Variants in KCNIP4 observed in about 807,000 individuals in gnomAD.
KCNIP4 encodes the protein potassium voltage-gated channel interacting protein 4.
A neutral mutation model predicts 34.0 loss-of-function variants in KCNIP4; 12 were observed. That is an observed-to-expected ratio of 0.35 (90% CI 0.23 to 0.57). KCNIP4 has a LOEUF of 0.57. Ranked by LOEUF, KCNIP4 falls within the 20% of genes least tolerant of loss-of-function variation. The probability of loss-of-function intolerance (pLI) is 0.83; values close to 1 mark genes in which losing one functional copy is unlikely to be tolerated. For synonymous variants in KCNIP4, 124 were observed against 102.2 expected, an observed-to-expected ratio of 1.21 and a Z score of -1.29; for missense variants, 238 against 311.7, an observed-to-expected ratio of 0.76 and a Z score of 1.78.
intron 1 of KCNIP4, among the ~76,000 whole-genome samples, chr4:20,898,332 T>C (rs1282779085): frequency 6.6e-6 from 1 of 152,218 alleles, no homozygotes. Flanking sequence ...CATAGTCTAT[T>C]AGTTCTGTTT....
intron 1 of KCNIP4, among the ~76,000 whole-genome samples, chr4:21,742,553 T>C (rs1716486377): frequency 6.6e-6 from 1 of 152,204 alleles, no homozygotes; most frequent in Admixed American, 6.5e-5. Context: ...GCATTTCAAG[T>C]TCCAATTACT....
intron 1 of KCNIP4, among the ~76,000 whole-genome samples, chr4:21,898,925 T>A (rs1294287428): frequency 6.6e-6 from 1 of 152,156 alleles, no homozygotes; most frequent in African/African-American, 2.4e-5. Flanking sequence ...GTGCCCTGAA[T>A]GGTGCTGGTC....
intron 1 of KCNIP4, among the ~76,000 whole-genome samples, chr4:21,351,270 C>T (rs1717973575): frequency 6.6e-6 from 1 of 152,072 alleles, no homozygotes; most frequent in African/African-American, 2.4e-5. Flanking sequence ...GTAATAATCC[C>T]CACATGTCGT....
At chr4:20,887,484 G>T (rs981391702) in intron 1 of KCNIP4, among the ~76,000 whole-genome samples, 5 of 151,796 alleles carry the variant, frequency 3.3e-5, no homozygotes, top group Non-Finnish European at 5.9e-5. Context: ...ATGAAAAAAG[G>T]CTTTAAAATG....
chr4:21,270,555 G>A (rs1037592052), intron 1 of KCNIP4, among the ~76,000 whole-genome samples: 5 of 152,158 alleles, frequency 3.3e-5, no homozygotes, highest in Non-Finnish European at 7.3e-5. Context: ...TTATGCACAT[G>A]ATAATTATGT....
At chr4:21,246,032 A>G (rs1760175342) in intron 1 of KCNIP4, among the ~76,000 whole-genome samples, 1 of 151,980 alleles carries the variant, frequency 6.6e-6, no homozygotes. Flanking sequence ...AAAAAGGAGG[A>G]TTTTTTTTAA....
intron 1 of KCNIP4, among the ~76,000 whole-genome samples, chr4:21,566,232 G>T (rs1225952907): frequency 1.3e-5 from 2 of 152,128 alleles, no homozygotes; most frequent in Non-Finnish European, 2.9e-5. Flanking sequence ...GAGACAGGTG[G>T]CAAGAGGCCA....
At chr4:20,985,198 G>A (rs941794159) in intron 1 of KCNIP4, among the ~76,000 whole-genome samples, 18 of 152,264 alleles carry the variant, frequency 1.2e-4, no homozygotes, top group Admixed American at 4.6e-4. Context: ...TTCTTGCTAT[G>A]TGATCTTGTG....
chr4:21,599,880 G>A (rs1327830014), intron 1 of KCNIP4, among the ~76,000 whole-genome samples: 6 of 152,020 alleles, frequency 3.9e-5, no homozygotes, highest in Middle Eastern at 3.2e-3. Context: ...GGAAGTTGTA[G>A]GGAGTACTAA....
At chr4:21,627,517 T>C (rs1016390677) in intron 1 of KCNIP4, among the ~76,000 whole-genome samples, 1 of 152,186 alleles carries the variant, frequency 6.6e-6, no homozygotes, top group Non-Finnish European at 1.5e-5. Flanking sequence ...TATTTTCTGA[T>C]ATTTGCCTGA....
intron 1 of KCNIP4, among the ~76,000 whole-genome samples, chr4:21,702,671 A>T (rs1712953779): frequency 6.6e-6 from 1 of 152,158 alleles, no homozygotes; most frequent in Non-Finnish European, 1.5e-5. Flanking sequence ...TCTATCAAAC[A>T]TGAAAAGAAG....
At chr4:21,562,268 A>G (rs1739536730) in intron 1 of KCNIP4, among the ~76,000 whole-genome samples, 1 of 151,996 alleles carries the variant, frequency 6.6e-6, no homozygotes, top group Admixed American at 6.6e-5. Context: ...CTGCCAAAAT[A>G]CTTATTAAAA....
At position 21,622,186 on chromosome 4, in the gene KCNIP4, T is replaced by G. The variant is rs562896723; in HGVS notation, c.61+326385A>C. On this transcript the variant is annotated intron_variant, in intron 1 of 8. Coordinates refer to ENST00000382152, the MANE Select transcript of KCNIP4 (RefSeq NM_025221.6). Reference sequence around the variant, plus strand: ...CCAGGTAGCAACTACCAGGTAATTATTCACAGATGTACAAATGATGTATAA... The same window carrying G: ...CCAGGTAGCAACTACCAGGTAATTAGTCACAGATGTACAAATGATGTATAA... 3.9e-5 allele frequency among the ~76,000 whole-genome samples: 6 copies of G among 152,330 alleles called. No homozygotes were observed. The South Asian group carries it at 1.2e-3, about 32-fold the overall frequency.
chr4:20,777,711 G>T (rs1756492923), intron 3 of KCNIP4, among the ~76,000 whole-genome samples: 2 of 152,170 alleles, frequency 1.3e-5, no homozygotes, highest in South Asian at 4.1e-4. Context: ...CAGAGAAAAA[G>T]TGGAGGTTGT....
chr4:21,756,124 T>C (rs536780840), intron 1 of KCNIP4, among the ~76,000 whole-genome samples: 83 of 152,350 alleles, frequency 5.4e-4, no homozygotes, highest in African/African-American at 1.9e-3. Flanking sequence ...GATTTTTATT[T>C]CTCTTTTTCT....
intron 1 of KCNIP4, among the ~76,000 whole-genome samples, chr4:21,417,577 C>G (rs1164248528): frequency 2.0e-5 from 3 of 152,016 alleles, no homozygotes; most frequent in African/African-American, 7.3e-5. Flanking sequence ...CTCATGATCT[C>G]CTGGAGAGAC....
At chr4:20,763,658 T>G (rs1357608144) in intron 3 of KCNIP4, among the ~76,000 whole-genome samples, 1 of 152,202 alleles carries the variant, frequency 6.6e-6, no homozygotes, top group East Asian at 1.9e-4. Context: ...CCCTGTGGCA[T>G]GTTTGAAAGA....
chr4:21,382,347 AC>A (rs1340591983), intron 1 of KCNIP4, among the ~76,000 whole-genome samples: 3 of 152,142 alleles, frequency 2.0e-5, no homozygotes, highest in Admixed American at 2.0e-4. Flanking sequence ...CAGTGATCTG[AC>A]CAGGTTTATG....
intron 3 of KCNIP4, among the ~76,000 whole-genome samples, chr4:20,778,663 A>G (rs1224244034): frequency 2.6e-5 from 4 of 152,202 alleles, no homozygotes; most frequent in Non-Finnish European, 4.4e-5. Flanking sequence ...AACAAGTTTA[A>G]TTTAAAAATA....
Sources: allele counts gnomAD v4.1 joint callset (sites outside exome capture counted in the v4.1 genomes callset), GRCh38; gene constraint gnomAD v4.1.1; transcripts MANE v1.5; gene names NCBI Gene and HGNC (gene_info 2026-07-23, HGNC 2026-07-21).